TAF3: variants seen among roughly 807,000 people sequenced by gnomAD.
TAF3 encodes transcription initiation factor TFIID subunit 3.
Under a neutral mutation model 80.6 loss-of-function variants are expected in TAF3, and 7 were observed. That is an observed-to-expected ratio of 0.09 (90% CI 0.05 to 0.16). The LOEUF is 0.16. Ranked by LOEUF, TAF3 falls within the 10% of genes least tolerant of loss-of-function variation. The pLI, the probability that TAF3 is intolerant of heterozygous loss-of-function variation, is 1.00. For synonymous variants in TAF3, 444 were observed against 446.1 expected (o/e 1.00, Z 0.06); for missense variants, 921 against 1,140.2 (o/e 0.81, Z 2.77).
intron 2 of TAF3, among the ~76,000 whole-genome samples, chr10:7,943,979 G>A (rs1837999793): frequency 6.6e-6 from 1 of 151,910 alleles, no homozygotes; most frequent in African/African-American, 2.4e-5. Context: ...AAAGGGGGTG[G>A]GTTTTCTTGT....
intron 2 of TAF3, among the ~76,000 whole-genome samples, chr10:7,930,999 G>T (rs904529490): frequency 2.0e-5 from 3 of 152,120 alleles, no homozygotes; most frequent in African/African-American, 7.2e-5. Flanking sequence ...AGAACAAGAA[G>T]AACTTAATTT....
intron 2 of TAF3, among the ~76,000 whole-genome samples, chr10:7,927,927 C>T (rs1837830529): frequency 6.6e-6 from 1 of 151,818 alleles, no homozygotes; most frequent in Non-Finnish European, 1.5e-5. Flanking sequence ...ATTACAGGGT[C>T]AAGATTTTCT....
At chr10:7,863,152 A>G (rs1272718781) in intron 2 of TAF3, among the ~76,000 whole-genome samples, 5 of 152,232 alleles carry the variant, frequency 3.3e-5, no homozygotes, top group Admixed American at 2.0e-4. Flanking sequence ...ACAGCATTTC[A>G]GACCCTTTAT....
chr10:8,005,809 TCC>T (rs1831985400), intron 4 of TAF3, among the ~76,000 whole-genome samples: 2 of 152,312 alleles, frequency 1.3e-5, no homozygotes, highest in South Asian at 2.1e-4. Flanking sequence ...AACTTTGAAC[TCC>T]TACATTACAT....
chr10:8,008,296 A>G (rs1832016914), intron 4 of TAF3, among the ~76,000 whole-genome samples: 1 of 151,718 alleles, frequency 6.6e-6, no homozygotes, highest in African/African-American at 2.4e-5. Flanking sequence ...ACGGTGTTTC[A>G]CCATGTTGGC....
intron 2 of TAF3, among the ~76,000 whole-genome samples, chr10:7,867,684 G>A (rs952221032): frequency 3.3e-5 from 5 of 152,178 alleles, no homozygotes; most frequent in South Asian, 2.1e-4. Context: ...GATAGTTTGC[G>A]CAGCTTTGAA....
intron 4 of TAF3, among the ~76,000 whole-genome samples, chr10:7,981,158 G>A (rs997016371): frequency 6.6e-6 from 1 of 152,202 alleles, no homozygotes; most frequent in African/African-American, 2.4e-5. Flanking sequence ...AAAGATTTGG[G>A]GCTGAATATA....
chr10:7,988,572 C>CAAAAAAAAAAAAAAAAAAA (rs58825999), intron 4 of TAF3, among the ~76,000 whole-genome samples: 2 of 49,282 alleles, frequency 4.1e-5, no homozygotes, highest in South Asian at 6.4e-4. Flanking sequence ...GACCCTGTCT[C>CAAAAAAAAAAAAAAAAAAA]AAAAAAAAAA....
intron 2 of TAF3, among the ~76,000 whole-genome samples, chr10:7,920,326 GTGTGTA>G (rs948810800): frequency 2.1e-4 from 7 of 33,252 alleles, no homozygotes; most frequent in African/African-American, 3.6e-4. Context: ...GTGTGTGTGT[GTGTGTA>G]TGTGTGTGTG....
chr10:7,989,866 G>C (rs1030627073), intron 4 of TAF3, among the ~76,000 whole-genome samples: 1 of 152,010 alleles, frequency 6.6e-6, no homozygotes, highest in Non-Finnish European at 1.5e-5. Context: ...AATGTTCCTG[G>C]TATATGTATG....
At chr10:7,899,143 G>T (rs1837535295) in intron 2 of TAF3, among the ~76,000 whole-genome samples, 1 of 152,140 alleles carries the variant, frequency 6.6e-6, no homozygotes, top group Non-Finnish European at 1.5e-5. Flanking sequence ...TTGTTGATCA[G>T]ATTGAAGCTT....
In TAF3 at chr10:8,015,886, A is replaced by G. The variant is rs1386088734; in HGVS notation, c.*1135A>G. 6.6e-6 allele frequency: 1 copy of G among 151,628 alleles called. No homozygotes were observed. The highest frequency in any genetic ancestry group is 1.5e-5 in the Non-Finnish European group (1 of 67,920). The allele number at this position is 151,628 out of a possible 1,614,324, so 9.4% of individuals were successfully genotyped here. A position where few individuals can be genotyped will look rare whatever the true frequency, so the allele number is the denominator to read the frequency against. On this transcript the variant is annotated 3_prime_UTR_variant, in exon 7 of 7. Transcript: ENST00000344293. ...AAAAAAAACAACAAAAAACCCACAT[A>G]TACTGTAGCATTTTGTCTTTATATT...
At chr10:8,003,493 C>T (rs1043519743) in intron 4 of TAF3, among the ~76,000 whole-genome samples, 1 of 152,122 alleles carries the variant, frequency 6.6e-6, no homozygotes, top group Admixed American at 6.5e-5. Flanking sequence ...CAATGTATGA[C>T]ATTATAAAAT....
chr10:7,988,572 CAAAAAAA>C (rs58825999), intron 4 of TAF3, among the ~76,000 whole-genome samples: 16 of 49,278 alleles, frequency 3.2e-4, no homozygotes, highest in East Asian at 2.6e-3. Flanking sequence ...GACCCTGTCT[CAAAAAAA>C]AAAAAAAAAA....
chr10:7,889,119 A>G (rs1480423181), intron 2 of TAF3, among the ~76,000 whole-genome samples: 1 of 152,172 alleles, frequency 6.6e-6, no homozygotes, highest in Non-Finnish European at 1.5e-5. Context: ...GGACGTCGAC[A>G]TTACTGACTT....
At chr10:7,899,738 A>G (rs1293099170) in intron 2 of TAF3, among the ~76,000 whole-genome samples, 2 of 152,256 alleles carry the variant, frequency 1.3e-5, no homozygotes, top group Non-Finnish European at 2.9e-5. Flanking sequence ...TTGAGTGCTC[A>G]TTAAATAAAT....
At chr10:7,990,891 C>A (rs1394419865) in intron 4 of TAF3, among the ~76,000 whole-genome samples, 1 of 152,182 alleles carries the variant, frequency 6.6e-6, no homozygotes, top group Non-Finnish European at 1.5e-5. Context: ...TGTCATGTCC[C>A]TGCAGCTGAG....
chr10:7,842,791 CAAATT>C (rs1374963116), intron 2 of TAF3, among the ~76,000 whole-genome samples: 1 of 151,964 alleles, frequency 6.6e-6, no homozygotes, highest in Non-Finnish European at 1.5e-5. Flanking sequence ...TTATTATAAT[CAAATT>C]AGATATAAAT....
chr10:8,000,383 C>T (rs1831932243), intron 4 of TAF3, among the ~76,000 whole-genome samples: 1 of 152,166 alleles, frequency 6.6e-6, no homozygotes, highest in Admixed American at 6.5e-5. Flanking sequence ...TCCCAAAGTG[C>T]TGGGATTACA....
Sources: gnomAD v4.1 joint callset for allele counts (sites outside exome capture counted in the v4.1 genomes callset) on GRCh38, gnomAD v4.1.1 for gene constraint, MANE v1.5 for transcripts, NCBI Gene and HGNC (gene_info 2026-07-23, HGNC 2026-07-21) for gene names.